The following ZRANB3 variants were observed in gnomAD, a reference collection of about 807,000 sequenced individuals.
ZRANB3 encodes the protein DNA annealing helicase and endonuclease ZRANB3.
In ZRANB3, 125 loss-of-function variants were observed where a neutral mutation model predicts 133.8. The ratio of observed to expected loss-of-function variants is 0.93; its 90% CI spans 0.81 to 1.08. The LOEUF (loss-of-function observed/expected upper bound fraction) is 1.08, where lower values mean the gene tolerates loss of function less well. Among genes scored for constraint, ZRANB3 ranks in the 50% least tolerant of loss-of-function variants. The probability of loss-of-function intolerance (pLI) is 0.00; values close to 1 mark genes in which losing one functional copy is unlikely to be tolerated. For synonymous variants in ZRANB3, 387 were observed against 432.7 expected (o/e 0.89, Z 1.31); for missense variants, 1,229 against 1,275.5 (o/e 0.96, Z 0.56).
chr2:135,330,089 A>G (rs1308545517), intron 6 of ZRANB3, among the ~76,000 whole-genome samples: 3 of 152,136 alleles, frequency 2.0e-5, no homozygotes, highest in African/African-American at 7.2e-5. Flanking sequence ...TTCCAACAAT[A>G]TGTTGAATAG....
intron 2 of ZRANB3, among the ~76,000 whole-genome samples, chr2:135,464,654 G>A (rs1330274478): frequency 1.3e-5 from 2 of 152,162 alleles, no homozygotes; most frequent in Non-Finnish European, 2.9e-5. Context: ...ATCGGTATCT[G>A]TTACCTGCCT....
At chr2:135,468,381 A>C (rs1691095491) in intron 2 of ZRANB3, among the ~76,000 whole-genome samples, 1 of 152,216 alleles carries the variant, frequency 6.6e-6, no homozygotes, top group African/African-American at 2.4e-5. Flanking sequence ...CAGTTTAGAC[A>C]TTAGTCCCCT....
At chr2:135,290,875 T>C (rs1681673458) in intron 8 of ZRANB3, among the ~76,000 whole-genome samples, 1 of 152,214 alleles carries the variant, frequency 6.6e-6, no homozygotes, top group African/African-American at 2.4e-5. Flanking sequence ...TCCTTGATTA[T>C]TCCCCGAAAT....
intron 3 of ZRANB3, among the ~76,000 whole-genome samples, chr2:135,367,763 T>TG (rs1293122794): frequency 6.6e-6 from 1 of 152,154 alleles, no homozygotes; most frequent in East Asian, 1.9e-4. Context: ...GGTAGTACTA[T>TG]GACAAGGTGA....
intron 15 of ZRANB3, among the ~76,000 whole-genome samples, chr2:135,223,854 T>C (rs1365391524): frequency 6.6e-6 from 1 of 152,164 alleles, no homozygotes; most frequent in Non-Finnish European, 1.5e-5. Context: ...TGGGCAGGTC[T>C]AGGCTTCTGT....
chr2:135,345,639 T>A lies in ZRANB3; in HGVS notation c.592-4A>T. 1 of 1,590,788 alleles carries A rather than the reference T, an allele frequency of 6.3e-7. No individual in the cohort carries two copies. The highest frequency in any genetic ancestry group is 8.6e-7 in the Non-Finnish European group (1 of 1,162,254). On this transcript the variant is annotated splice_polypyrimidine_tract_variant and splice_region_variant and intron_variant, in intron 5 of 20. Coordinates refer to ENST00000264159, the MANE Select transcript of ZRANB3 (RefSeq NM_032143.4). ...GAGCTTCAATCTGCATAAAAAGCTA[T>A]AATAATACAAGTGTTTGTAGTATGT... is the stretch of plus-strand genomic sequence containing the variant.
chr2:135,376,559 C>G (rs981182883), intron 3 of ZRANB3, among the ~76,000 whole-genome samples: 2 of 152,136 alleles, frequency 1.3e-5, no homozygotes, highest in African/African-American at 4.8e-5. Context: ...ATTTTAAATG[C>G]ATATTGCTAA....
At chr2:135,467,382 G>A (rs1403689235) in intron 2 of ZRANB3, among the ~76,000 whole-genome samples, 1 of 152,146 alleles carries the variant, frequency 6.6e-6, no homozygotes, top group Non-Finnish European at 1.5e-5. Context: ...GATACTTAAA[G>A]GACAATGTGC....
chr2:135,288,820 T>C (rs1292491977), intron 8 of ZRANB3, among the ~76,000 whole-genome samples: 1 of 151,982 alleles, frequency 6.6e-6, no homozygotes, highest in Non-Finnish European at 1.5e-5. Flanking sequence ...GCCTCACTAA[T>C]AGTCTATCAA....
intron 17 of ZRANB3, among the ~76,000 whole-genome samples, chr2:135,216,024 T>C (rs1375584233): frequency 6.6e-6 from 1 of 152,110 alleles, no homozygotes; most frequent in Non-Finnish European, 1.5e-5. Context: ...AAGGTATCCT[T>C]CTAGACAATT....
At chr2:135,261,617 T>A (rs992742717) in intron 12 of ZRANB3, among the ~76,000 whole-genome samples, 2 of 152,216 alleles carry the variant, frequency 1.3e-5, no homozygotes, top group Non-Finnish European at 2.9e-5. Context: ...GGTGATTTTT[T>A]AAAATTGTGT....
At chr2:135,264,928 T>C (rs915754880) in intron 12 of ZRANB3, among the ~76,000 whole-genome samples, 1 of 152,056 alleles carries the variant, frequency 6.6e-6, no homozygotes, top group Admixed American at 6.6e-5. Context: ...TTTGTATTTT[T>C]AGTAGAGACA....
At position 135,207,815 on chromosome 2, in the gene ZRANB3, G is replaced by T. The variant is rs1693942172; in HGVS notation, c.2628C>A (p.Ala876=). ...PFTKKLLEDG[A]CVPFLNPYTV... The stretch of plus-strand genomic sequence containing the variant: ...TGTATGGATTTAGAAATGGGACACA[G>T]GCTCCATCTTCAAGAAGTTTTCTAC... The change falls in exon 19 of 21, where the codon GCC becomes GCA. Residue 876 remains alanine, a synonymous_variant. Coordinates refer to ENST00000264159, the MANE Select transcript of ZRANB3 (RefSeq NM_032143.4). 1.9e-6 allele frequency: 3 copies of T among 1,593,894 alleles called. No homozygotes were observed. Among genetic ancestry groups the T allele is most frequent in the Non-Finnish European group, 2.6e-6 (3 of 1,164,204 alleles).
At chr2:135,338,792 ATATG>A (rs771893882) in intron 6 of ZRANB3, among the ~76,000 whole-genome samples, 3 of 152,252 alleles carry the variant, frequency 2.0e-5, no homozygotes, top group Non-Finnish European at 2.9e-5. Context: ...ATACATGTGC[ATATG>A]TGTGTATGTG....
chr2:135,465,896 C>T (rs1454671581), intron 2 of ZRANB3, among the ~76,000 whole-genome samples: 3 of 152,042 alleles, frequency 2.0e-5, no homozygotes, highest in Admixed American at 6.5e-5. Context: ...GACATTTATG[C>T]GACCAACAAA....
chr2:135,280,982 C>T (rs1233415444), intron 8 of ZRANB3, among the ~76,000 whole-genome samples: 3 of 152,118 alleles, frequency 2.0e-5, no homozygotes, highest in South Asian at 4.1e-4. Context: ...TTCCTTATTC[C>T]GTACCTTTGA....
At chr2:135,407,786 C>G (rs1347461489) in intron 2 of ZRANB3, among the ~76,000 whole-genome samples, 4 of 146,738 alleles carry the variant, frequency 2.7e-5, no homozygotes, top group South Asian at 2.2e-4. Flanking sequence ...AAAGCTGAAA[C>G]TGGATCCCTT....
chr2:135,438,374 G>A (rs935145476), intron 2 of ZRANB3, among the ~76,000 whole-genome samples: 4 of 151,890 alleles, frequency 2.6e-5, no homozygotes, highest in African/African-American at 4.8e-5. Flanking sequence ...GCATGGTGGC[G>A]TGCACCTGTA....
At chr2:135,502,183 C>G (rs902001233) in intron 2 of ZRANB3, among the ~76,000 whole-genome samples, 3 of 151,910 alleles carry the variant, frequency 2.0e-5, no homozygotes, top group African/African-American at 7.3e-5. Flanking sequence ...TTTCCATTTG[C>G]CAAAAAACAT....
Sources: gnomAD v4.1 joint callset for allele counts (sites outside exome capture counted in the v4.1 genomes callset) on GRCh38, gnomAD v4.1.1 for gene constraint, MANE v1.5 for transcripts, NCBI Gene and HGNC (gene_info 2026-07-23, HGNC 2026-07-21) for gene names.